The following TNRC6C variants were observed in gnomAD, a reference collection of about 807,000 sequenced individuals.
TNRC6C encodes the protein trinucleotide repeat-containing gene 6C protein.
TNRC6C carries 20 observed loss-of-function variants against 153.7 expected under a neutral mutation model. That is an observed-to-expected ratio of 0.13 (90% CI 0.09 to 0.19). The LOEUF is 0.19. TNRC6C is among the 10% of genes least tolerant of loss of function. The pLI, the probability that TNRC6C is intolerant of heterozygous loss-of-function variation, is 1.00. For synonymous variants in TNRC6C, 811 were observed against 841.4 expected (o/e 0.96, Z 0.63); for missense variants, 1,987 against 2,172.0 (o/e 0.91, Z 1.69).
chr17:77,965,949 T>G (rs1366942681), intron 1 of TNRC6C, among the ~76,000 whole-genome samples: 4 of 152,198 alleles, frequency 2.6e-5, no homozygotes, highest in Non-Finnish European at 4.4e-5. Flanking sequence ...GGGACTGACT[T>G]TAACAAATTC....
chr17:78,090,577 G>A (rs905066633), intron 13 of TNRC6C, among the ~76,000 whole-genome samples: 33 of 152,198 alleles, frequency 2.2e-4, no homozygotes, highest in African/African-American at 7.5e-4. Flanking sequence ...AGTCTGTCCT[G>A]CTCCAAACTA....
chr17:77,976,819 T>C (rs763717140), intron 1 of TNRC6C, among the ~76,000 whole-genome samples: 1 of 149,926 alleles, frequency 6.7e-6, no homozygotes, highest in African/African-American at 2.5e-5. Context: ...ATCCCAGCTA[T>C]TGGGGAGGCT....
At chr17:77,974,490 C>G (rs2070970574) in intron 1 of TNRC6C, among the ~76,000 whole-genome samples, 1 of 151,628 alleles carries the variant, frequency 6.6e-6, no homozygotes, top group Non-Finnish European at 1.5e-5. Context: ...CCGCCCCGCC[C>G]CAAAAAAAAA....
At chr17:77,997,520 A>T (rs576205887) in intron 1 of TNRC6C, among the ~76,000 whole-genome samples, 1 of 152,012 alleles carries the variant, frequency 6.6e-6, no homozygotes, top group African/African-American at 2.4e-5. Flanking sequence ...ACCCTCCTCA[A>T]TGCCCCCAAC....
intron 1 of TNRC6C, among the ~76,000 whole-genome samples, chr17:77,969,687 T>G (rs1273444068): frequency 6.6e-6 from 1 of 151,892 alleles, no homozygotes; most frequent in Non-Finnish European, 1.5e-5. Flanking sequence ...GATGTTCTTT[T>G]CTCTCTGATT....
chr17:78,084,258 C>T lies in TNRC6C; in HGVS notation c.3477+1092C>T, dbSNP rs375953408. ...TCGCACCTTTGCACTCCAGCCTGGGCGACAGAGCAAGACTCCGTCTCAAGA... is the reference window on the plus strand; with the variant it reads ...TCGCACCTTTGCACTCCAGCCTGGGTGACAGAGCAAGACTCCGTCTCAAGA... On this transcript the variant is annotated intron_variant, in intron 11 of 19. Transcript: ENST00000301624. Among the ~76,000 whole-genome samples the T allele has an allele frequency of 8.4e-5, 12 of 142,064 alleles. No individual in the cohort carries two copies. In the East Asian group the frequency reaches 1.0e-3, roughly 12 times the overall value. The allele number at this position is 142,064 out of a possible 152,430, so 93.2% of individuals were successfully genotyped here.
At chr17:78,098,966 C>T (rs570096080) in intron 17 of TNRC6C, among the ~76,000 whole-genome samples, 3 of 152,102 alleles carry the variant, frequency 2.0e-5, no homozygotes, top group Non-Finnish European at 4.4e-5. Flanking sequence ...GTCACTGGGA[C>T]GTAAGGCTTT....
intron 1 of TNRC6C, among the ~76,000 whole-genome samples, chr17:77,976,597 G>T (rs2144086099): frequency 6.6e-6 from 1 of 152,244 alleles, no homozygotes; most frequent in Non-Finnish European, 1.5e-5. Context: ...GGTAAGATCA[G>T]ATACCTAAGC....
chr17:78,043,723 A>G (rs1009452305), intron 2 of TNRC6C, among the ~76,000 whole-genome samples: 25 of 150,546 alleles, frequency 1.7e-4, no homozygotes, highest in East Asian at 7.8e-4. Context: ...ACTTCTCCCC[A>G]CCCCTCACTC....
At chr17:78,070,417 T>C (rs1013633123) in intron 5 of TNRC6C, among the ~76,000 whole-genome samples, 10 of 152,186 alleles carry the variant, frequency 6.6e-5, no homozygotes, top group Non-Finnish European at 1.2e-4. Context: ...ATTGTAATAA[T>C]GCATCATTAG....
chr17:77,961,533 C>A (rs1266207597), intron 1 of TNRC6C, among the ~76,000 whole-genome samples: 2 of 152,178 alleles, frequency 1.3e-5, no homozygotes, highest in African/African-American at 4.8e-5. Context: ...TTAACAATTT[C>A]ATTTCGGATT....
intron 1 of TNRC6C, among the ~76,000 whole-genome samples, chr17:78,020,770 G>C (rs1274734448): frequency 6.6e-6 from 1 of 151,666 alleles, no homozygotes; most frequent in South Asian, 2.1e-4. Flanking sequence ...TCTTTTTTTT[G>C]GTGCTAAGTC....
At chr17:78,105,672 A>G (rs1446524391) in exon 20 of TNRC6C, 1 of 152,224 alleles carries the variant, frequency 6.6e-6, no homozygotes, top group Non-Finnish European at 1.5e-5. Flanking sequence ...GTGCTCCTGC[A>G]CGGCGTGCAG....
chr17:78,000,294 G>A (rs1038797136), upstream of TNRC6C, among the ~76,000 whole-genome samples: 2 of 152,146 alleles, frequency 1.3e-5, no homozygotes, highest in African/African-American at 4.8e-5. Context: ...TATAATTAAA[G>A]TTTTACCTTG....
At chr17:77,995,721 T>TACAC (rs34732155) in intron 1 of TNRC6C, among the ~76,000 whole-genome samples, 9 of 151,000 alleles carry the variant, frequency 6.0e-5, no homozygotes, top group East Asian at 1.9e-4. Context: ...ACATTTAAAG[T>TACAC]ACACACACAC....
At chr17:77,966,735 G>A (rs969998651) in intron 1 of TNRC6C, among the ~76,000 whole-genome samples, 3 of 152,078 alleles carry the variant, frequency 2.0e-5, no homozygotes, top group African/African-American at 7.2e-5. Context: ...AATAATAGAC[G>A]TCTGCTGTTA....
intron 3 of TNRC6C, among the ~76,000 whole-genome samples, chr17:78,056,529 T>G (rs2072658207): frequency 6.6e-6 from 1 of 151,090 alleles, no homozygotes; most frequent in Admixed American, 6.6e-5. Flanking sequence ...AGTGGCACAA[T>G]CTCAGCTCAC....
At chr17:78,007,243 A>G (rs1044876647) in intron 1 of TNRC6C, among the ~76,000 whole-genome samples, 1 of 152,220 alleles carries the variant, frequency 6.6e-6, no homozygotes. Context: ...ACAGTTTATC[A>G]GTAACTACTA....
chr17:77,990,524 G>T (rs1257563179), intron 1 of TNRC6C, among the ~76,000 whole-genome samples: 2 of 152,094 alleles, frequency 1.3e-5, no homozygotes, highest in African/African-American at 4.8e-5. Flanking sequence ...TTTCATGCGT[G>T]TTGTCCCCTG....
Sources: allele counts gnomAD v4.1 joint callset (sites outside exome capture counted in the v4.1 genomes callset), GRCh38; gene constraint gnomAD v4.1.1; transcripts MANE v1.5; gene names NCBI Gene and HGNC (gene_info 2026-07-23, HGNC 2026-07-21).